STK32B: variants seen among roughly 807,000 people sequenced by gnomAD.
STK32B encodes serine/threonine-protein kinase 32B.
In STK32B, 43 loss-of-function variants were observed where a neutral mutation model predicts 52.6. The ratio of observed to expected loss-of-function variants is 0.82; its 90% confidence interval spans 0.64 to 1.05. The LOEUF (loss-of-function observed/expected upper bound fraction) is 1.05. STK32B is among the 50% of genes least tolerant of loss of function. The pLI, the probability that STK32B is intolerant of heterozygous loss-of-function variation, is 0.00. For missense variants in STK32B, 621 were observed against 534.6 expected, an observed-to-expected ratio of 1.16 and a Z score of -1.59; for synonymous variants, 238 against 204.3, an observed-to-expected ratio of 1.17 and a Z score of -1.41.
chr4:5,051,843 C>T lies in STK32B; in HGVS notation c.-21C>T. The T allele has an allele frequency of 6.3e-7, 1 of 1,590,510 alleles. No homozygotes were observed. Among genetic ancestry groups the T allele is most frequent in the Non-Finnish European group, 8.6e-7 (1 of 1,169,290 alleles). ...GGCATCCCAGCGGCCGGGCATGTAG[C>T]AGCGGCAGCAACGGCGGAATATGGG... On this transcript the variant is annotated 5_prime_UTR_variant, in exon 1 of 12. Transcript: ENST00000282908.
chr4:5,244,280 C>G (rs905410695), intron 3 of STK32B, among the ~76,000 whole-genome samples: 5 of 152,136 alleles, frequency 3.3e-5, no homozygotes, highest in Non-Finnish European at 7.4e-5. Flanking sequence ...TTCAGAGATT[C>G]AACTTCTTCC....
intron 3 of STK32B, among the ~76,000 whole-genome samples, chr4:5,216,157 C>A (rs907694978): frequency 6.6e-6 from 1 of 152,128 alleles, no homozygotes; most frequent in Non-Finnish European, 1.5e-5. Context: ...ATCACTGGAC[C>A]GCACCTCAGA....
intron 4 of STK32B, among the ~76,000 whole-genome samples, chr4:5,388,372 G>A (rs976680738): frequency 6.6e-6 from 1 of 152,160 alleles, no homozygotes; most frequent in Non-Finnish European, 1.5e-5. Flanking sequence ...AACTGAGTAA[G>A]TCCTTGACAT....
chr4:5,217,615 A>G (rs556554354), intron 3 of STK32B, among the ~76,000 whole-genome samples: 3 of 152,256 alleles, frequency 2.0e-5, no homozygotes, highest in African/African-American at 4.8e-5. Context: ...AACAAATATC[A>G]TAGTCATACA....
At chr4:5,272,715 A>C (rs1727528110) in intron 3 of STK32B, among the ~76,000 whole-genome samples, 1 of 151,222 alleles carries the variant, frequency 6.6e-6, no homozygotes, top group Non-Finnish European at 1.5e-5. Flanking sequence ...ATCTTTGACA[A>C]ACCTGAGAAA....
intron 3 of STK32B, among the ~76,000 whole-genome samples, chr4:5,217,223 A>G (rs1723232399): frequency 6.6e-6 from 1 of 152,134 alleles, no homozygotes; most frequent in African/African-American, 2.4e-5. Flanking sequence ...ATAATTTTTC[A>G]TTATTTCAGG....
intron 3 of STK32B, among the ~76,000 whole-genome samples, chr4:5,194,044 G>A (rs942288108): frequency 1.3e-5 from 2 of 152,172 alleles, no homozygotes; most frequent in African/African-American, 4.8e-5. Flanking sequence ...TTCATTTCAG[G>A]GAGGCCGTCC....
chr4:5,375,535 A>T (rs865914776), intron 4 of STK32B, among the ~76,000 whole-genome samples: 1 of 151,958 alleles, frequency 6.6e-6, no homozygotes, highest in Non-Finnish European at 1.5e-5. Context: ...CATATACTTG[A>T]TTTCCAAGAG....
intron 5 of STK32B, among the ~76,000 whole-genome samples, chr4:5,401,793 T>C (rs1226997234): frequency 6.6e-6 from 1 of 152,200 alleles, no homozygotes; most frequent in Non-Finnish European, 1.5e-5. Context: ...AGCTGGGTAA[T>C]GAACCACATA....
Position 5,460,241 on chromosome 4 carries a change from C to G in STK32B, c.909+13C>G, listed in dbSNP as rs1716930469. 1.2e-6 allele frequency: 2 copies of G among 1,605,584 alleles called. No individual in the cohort carries two copies. The highest frequency in any genetic ancestry group is 1.7e-6 in the Non-Finnish European group (2 of 1,175,874). On this transcript the variant is annotated intron_variant, in intron 9 of 11. Transcript: ENST00000282908. This position sits in a 1 kb window ranked among gnomAD's most constrained non-coding sequence, Gnocchi z 4.8. ...CTTTGTGCCCAATGTGAGTGGAAGT[C>G]CCACCTGATGTCATGCCACCCCTCT...
chr4:5,169,978 G>A (rs1215977114), intron 3 of STK32B, among the ~76,000 whole-genome samples: 1 of 151,920 alleles, frequency 6.6e-6, no homozygotes, highest in Non-Finnish European at 1.5e-5. Context: ...TCCATTTTCT[G>A]AATTAATATC....
intron 4 of STK32B, among the ~76,000 whole-genome samples, chr4:5,363,557 T>C (rs1194798159): frequency 2.6e-5 from 4 of 152,174 alleles, no homozygotes; most frequent in Non-Finnish European, 4.4e-5. Flanking sequence ...CATTGCTTTT[T>C]TTTAGAAATT....
At chr4:5,271,361 T>G (rs1727417622) in intron 3 of STK32B, among the ~76,000 whole-genome samples, 1 of 152,168 alleles carries the variant, frequency 6.6e-6, no homozygotes, top group African/African-American at 2.4e-5. Context: ...AAGGCTTAAA[T>G]AAATGGAGAT....
chr4:5,159,507 T>TATATG (rs1718156587), intron 2 of STK32B, among the ~76,000 whole-genome samples: 4 of 143,982 alleles, frequency 2.8e-5, no homozygotes, highest in South Asian at 4.3e-4. Context: ...TATATATGAA[T>TATATG]ATATATATGA....
intron 3 of STK32B, chr4:5,204,084 A>G (rs1722368518): frequency 6.6e-6 from 1 of 152,256 alleles, no homozygotes; most frequent in Non-Finnish European, 1.5e-5. Flanking sequence ...GCTGGTCTTC[A>G]GGAAGCACTC....
chr4:5,275,242 A>G (rs892294231), intron 3 of STK32B, among the ~76,000 whole-genome samples: 5 of 152,240 alleles, frequency 3.3e-5, no homozygotes, highest in African/African-American at 1.2e-4. Flanking sequence ...TGTAGATTCA[A>G]CTTAGTTACA....
At chr4:5,318,745 G>A (rs1274133027) in intron 3 of STK32B, among the ~76,000 whole-genome samples, 1 of 152,118 alleles carries the variant, frequency 6.6e-6, no homozygotes, top group Non-Finnish European at 1.5e-5. Context: ...TCATTCTGTA[G>A]AAGGATGCAG....
intron 3 of STK32B, among the ~76,000 whole-genome samples, chr4:5,323,279 G>C (rs114951252): frequency 7.2e-5 from 11 of 152,232 alleles, no homozygotes; most frequent in Admixed American, 3.3e-4. Flanking sequence ...CACAGGAAAC[G>C]GTGATCACCT....
chr4:5,114,176 G>A (rs1714582142), intron 1 of STK32B, among the ~76,000 whole-genome samples: 1 of 151,716 alleles, frequency 6.6e-6, no homozygotes, highest in South Asian at 2.1e-4. Flanking sequence ...AGCTGAACCT[G>A]TCACTCTCCT....
Sources: allele counts gnomAD v4.1 joint callset (sites outside exome capture counted in the v4.1 genomes callset), GRCh38; gene constraint gnomAD v4.1.1; non-coding constraint Gnocchi (gnomAD v3.1); transcripts MANE v1.5; gene names NCBI Gene and HGNC (gene_info 2026-07-23, HGNC 2026-07-21).